The following B3GLCT variants were observed in gnomAD, a reference collection of about 807,000 sequenced individuals.
B3GLCT encodes beta-1,3-glucosyltransferase.
Under a neutral mutation model 63.4 loss-of-function variants are expected in B3GLCT, and 65 were observed. The observed-to-expected ratio is 1.03, with a 90% CI of 0.84 to 1.26. The LOEUF is 1.26. B3GLCT is among the 50% of genes most tolerant of loss of function. The probability of loss-of-function intolerance (pLI) is 0.00; values close to 1 mark genes in which losing one functional copy is unlikely to be tolerated. For missense variants in B3GLCT, 577 were observed against 604.8 expected (o/e 0.95, Z 0.48); for synonymous variants, 233 against 219.2 (o/e 1.06, Z -0.55).
At chr13:31,208,649 T>C (rs1054105143) in intron 1 of B3GLCT, among the ~76,000 whole-genome samples, 2 of 119,648 alleles carry the variant, frequency 1.7e-5, no homozygotes, top group East Asian at 2.8e-4. Flanking sequence ...GCCACCTTCA[T>C]TGAGGCCCTT....
chr13:31,242,371 G>T lies in B3GLCT; in HGVS notation c.271-4652G>T, dbSNP rs143579768. On this transcript the variant is annotated intron_variant, in intron 4 of 14. Coordinates refer to ENST00000343307, the MANE Select transcript of B3GLCT (RefSeq NM_194318.4). Reference sequence around the variant, plus strand: ...GAGAACATGAGATCCAATAGGGCAGGGACTCTGCCTGTCTTATCACAGCTG... The same window carrying T: ...GAGAACATGAGATCCAATAGGGCAGTGACTCTGCCTGTCTTATCACAGCTG... Among the ~76,000 whole-genome samples the T allele has an allele frequency of 1.2e-4, 19 of 152,278 alleles. 2 individuals are homozygous for T. In the East Asian group the frequency reaches 3.5e-3, roughly 28 times the overall value.
At chr13:31,242,382 G>C (rs1276600857) in intron 4 of B3GLCT, among the ~76,000 whole-genome samples, 4 of 152,206 alleles carry the variant, frequency 2.6e-5, no homozygotes, top group Non-Finnish European at 4.4e-5. Context: ...GACTCTGCCT[G>C]TCTTATCACA....
At chr13:31,296,616 C>T (rs1873955553) in intron 12 of B3GLCT, among the ~76,000 whole-genome samples, 1 of 152,112 alleles carries the variant, frequency 6.6e-6, no homozygotes, top group Non-Finnish European at 1.5e-5. Flanking sequence ...TACTAGTCTT[C>T]TCTTAGTATA....
chr13:31,285,456 A>G (rs1007116786), intron 11 of B3GLCT, among the ~76,000 whole-genome samples: 1 of 152,142 alleles, frequency 6.6e-6, no homozygotes, highest in Non-Finnish European at 1.5e-5. Context: ...TCTTAAATCT[A>G]TAAAAATTTT....
chr13:31,317,549 T>C lies in B3GLCT; in HGVS notation c.1065-17T>C. The stretch of plus-strand genomic sequence containing the variant: ...TGAATCAAATAATCATGATTTGTGT[T>C]CCCTTTGGCATCTCAGTATCTCCAG... On this transcript the variant is annotated splice_polypyrimidine_tract_variant and intron_variant, in intron 12 of 14. Coordinates refer to ENST00000343307, the MANE Select transcript of B3GLCT (RefSeq NM_194318.4). The C allele has an allele frequency of 6.2e-7, 1 of 1,613,920 alleles. No homozygotes were observed.
At chr13:31,278,057 G>C (rs909153499) in intron 10 of B3GLCT, among the ~76,000 whole-genome samples, 1 of 151,852 alleles carries the variant, frequency 6.6e-6, no homozygotes, top group African/African-American at 2.4e-5. Flanking sequence ...GAACTATACC[G>C]CTTTTTGTTT....
At chr13:31,325,336 C>T (rs982278906) in intron 14 of B3GLCT, among the ~76,000 whole-genome samples, 3 of 152,150 alleles carry the variant, frequency 2.0e-5, no homozygotes, top group Non-Finnish European at 2.9e-5. Flanking sequence ...TTATTCTCTG[C>T]GGTTCCCTCT....
At chr13:31,270,216 CCT>C (rs1467650842) in intron 8 of B3GLCT, among the ~76,000 whole-genome samples, 3 of 152,136 alleles carry the variant, frequency 2.0e-5, no homozygotes, top group Admixed American at 2.0e-4. Flanking sequence ...AACAGTCTTG[CCT>C]CTCATTCTCT....
chr13:31,323,994 G>T (rs1303573452), intron 14 of B3GLCT, 99 bp downstream of exon 14: 2 of 1,443,138 alleles, frequency 1.4e-6, no homozygotes, highest in Non-Finnish European at 1.9e-6. Flanking sequence ...TCGGGAAACA[G>T]ACTAAGAACT....
At chr13:31,317,128 T>C (rs1385928698) in intron 12 of B3GLCT, among the ~76,000 whole-genome samples, 1 of 152,214 alleles carries the variant, frequency 6.6e-6, no homozygotes, top group Non-Finnish European at 1.5e-5. Flanking sequence ...GTGGCTCCTT[T>C]TTAGGCCATC....
intron 6 of B3GLCT, 145 bp from the exon 7 acceptor site, chr13:31,260,801 C>A: frequency 1.3e-6 from 1 of 741,818 alleles, no homozygotes; most frequent in South Asian, 1.9e-5. Flanking sequence ...TATTTTTGTT[C>A]ACATTCTCTA....
intron 13 of B3GLCT, among the ~76,000 whole-genome samples, chr13:31,322,446 T>C (rs2137944723): frequency 6.6e-6 from 1 of 152,366 alleles, no homozygotes; most frequent in South Asian, 2.1e-4. Flanking sequence ...CCTGTAGCCT[T>C]TCAACATCTT....
chr13:31,318,729 C>G (rs1875184364), intron 13 of B3GLCT, among the ~76,000 whole-genome samples: 1 of 152,126 alleles, frequency 6.6e-6, no homozygotes, highest in African/African-American at 2.4e-5. Flanking sequence ...ATGCATCGGG[C>G]TTTCTGGGTG....
intron 4 of B3GLCT, 82 bp downstream of exon 4, chr13:31,229,376 G>T (rs1179342993): frequency 2.3e-6 from 2 of 860,430 alleles, no homozygotes; most frequent in Non-Finnish European, 4.0e-6. Flanking sequence ...GATCCGTGGA[G>T]AATCAGTTTT....
rs1179118373 is a variant in B3GLCT, at chr13:31,200,058, G to A, written c.-27G>A. 17 of 1,337,254 alleles carry A rather than the reference G, an allele frequency of 1.3e-5. No homozygotes were observed. The highest frequency in any genetic ancestry group is 1.5e-5 in the African/African-American group (1 of 65,314). 82.8% of individuals were successfully genotyped at this position (1,337,254 alleles called of 1,614,324 possible). A position where few individuals can be genotyped will look rare whatever the true frequency, so the allele number is the denominator to read the frequency against. On this transcript the variant is annotated 5_prime_UTR_variant, in exon 1 of 15. Coordinates refer to ENST00000343307, the MANE Select transcript of B3GLCT (RefSeq NM_194318.4). ...GCGCGTCTCCCTTCCCCGCGCCCAG[G>A]TAGGGCGCTCAGCCTCCGCCGCCAG...
chr13:31,275,795 A>G (rs1203843527), intron 9 of B3GLCT, among the ~76,000 whole-genome samples: 2 of 152,082 alleles, frequency 1.3e-5, no homozygotes, highest in African/African-American at 4.8e-5. Flanking sequence ...ACACACACAC[A>G]CACGCACACA....
intron 6 of B3GLCT, chr13:31,260,542 G>A (rs1490420736): frequency 6.1e-6 from 1 of 164,460 alleles, no homozygotes; most frequent in East Asian, 1.8e-4. Context: ...GAATGAATGA[G>A]TAAATAAATA....
At chr13:31,283,114 C>T (rs1468109337) in intron 10 of B3GLCT, 2 of 152,124 alleles carry the variant, frequency 1.3e-5, no homozygotes, top group African/African-American at 2.4e-5. Flanking sequence ...CCTATTAGAG[C>T]GAAAAAGGAC....
At chr13:31,258,162 C>G (rs1262928437) in intron 6 of B3GLCT, among the ~76,000 whole-genome samples, 2 of 152,164 alleles carry the variant, frequency 1.3e-5, no homozygotes, top group East Asian at 1.9e-4. Context: ...CATGTACTCT[C>G]TTATGTTAAG....
Sources: gnomAD v4.1 joint callset for allele counts (sites outside exome capture counted in the v4.1 genomes callset) on GRCh38, gnomAD v4.1.1 for gene constraint, MANE v1.5 for transcripts, NCBI Gene and HGNC (gene_info 2026-07-23, HGNC 2026-07-21) for gene names.